Variants in SLC35A5 observed in about 807,000 individuals in gnomAD.
SLC35A5 encodes UDP-sugar transporter protein SLC35A5.
SLC35A5 carries 28 observed loss-of-function variants against 36.3 expected under a neutral mutation model. The ratio of observed to expected loss-of-function variants is 0.77; its 90% CI spans 0.57 to 1.06. SLC35A5 has a LOEUF of 1.06. Ranked by LOEUF, SLC35A5 falls within the 50% of genes least tolerant of loss-of-function variation. SLC35A5 has a pLI of 0.00. For synonymous variants in SLC35A5, 180 were observed against 173.7 expected (o/e 1.04, Z -0.29); for missense variants, 521 against 499.3 (o/e 1.04, Z -0.41).
In SLC35A5 at chr3:112,582,961, A is replaced by C; in HGVS notation, c.*225A>C. 1 of 503,696 alleles carries C rather than the reference A, an allele frequency of 2.0e-6. No individual in the cohort carries two copies. The highest frequency in any genetic ancestry group is 3.1e-5 in the East Asian group (1 of 32,778). The allele number at this position is 503,696 out of a possible 1,614,324, so 31.2% of individuals were successfully genotyped here. On this transcript the variant is annotated 3_prime_UTR_variant, in exon 7 of 7. Transcript: ENST00000492406. ...GAGTAACAATATGAAGAATTCATTA[A>C]TATCTCAGTACTTGATAAATCAGAA...
At chr3:112,571,766 TGAG>T (rs988962507) in intron 4 of SLC35A5, among the ~76,000 whole-genome samples, 6 of 152,100 alleles carry the variant, frequency 3.9e-5, no homozygotes, top group Non-Finnish European at 7.4e-5. Flanking sequence ...CTCAGTACCA[TGAG>T]AACAGTATGG....
In SLC35A5 at chr3:112,563,600, G is replaced by T. The variant is rs1458770077; in HGVS notation, c.130+67G>T. ...ATCACACATCTCTCTCTTGCCTTTG[G>T]TTCTGTTATATATAACATGGAAATA... On this transcript the variant is annotated intron_variant, in intron 2 of 6. Transcript: ENST00000492406. The T allele has an allele frequency of 1.4e-5, 20 of 1,435,224 alleles. No individual in the cohort carries two copies. In the Admixed American group the frequency reaches 3.8e-4, roughly 27 times the overall value. 88.9% of individuals were successfully genotyped at this position (1,435,224 alleles called of 1,614,324 possible).
At chr3:112,565,770 CAAGAAAA>C (rs1934166252) in intron 2 of SLC35A5, among the ~76,000 whole-genome samples, 1 of 150,476 alleles carries the variant, frequency 6.6e-6, no homozygotes, top group South Asian at 2.1e-4. Context: ...AAAACTGTCT[CAAGAAAA>C]AAGAAAAAAA....
In SLC35A5 at chr3:112,565,821, G is replaced by T. The variant is rs185803480; in HGVS notation, c.130+2288G>T. On this transcript the variant is annotated intron_variant, in intron 2 of 6. Transcript: ENST00000492406. ...AGGACTCAGAAGAAAGAGAAGGAGT[G>T]GTTGGCTGGAGAGAGGTTGGTAAGT... Among the ~76,000 whole-genome samples the T allele has an allele frequency of 4.1e-3, 627 of 152,142 alleles. 6 individuals are homozygous for T. The highest frequency in any genetic ancestry group is 0.014 in the African/African-American group (574 of 41,500).
chr3:112,582,623 C>A, intron 6 of SLC35A5, 48 bp from the exon 7 acceptor site: 1 of 767,498 alleles, frequency 1.3e-6, no homozygotes, highest in Non-Finnish European at 1.9e-6. Flanking sequence ...TTTAAAAATG[C>A]TACATTTCCA....
At chr3:112,572,318 AAAT>A (rs751918634) in intron 4 of SLC35A5, among the ~76,000 whole-genome samples, 81 of 151,488 alleles carry the variant, frequency 5.3e-4, no homozygotes, top group African/African-American at 1.8e-3. Context: ...TCTATGAAAT[AAAT>A]AATAATAATA....
Position 112,570,545 on chromosome 3 carries a change from C to G in SLC35A5, c.235C>G (p.Gln79Glu), listed in dbSNP as rs540087511. Residue 79 changes from glutamine to glutamate, a missense_variant, in exon 4 of 7, where the codon CAA becomes GAA. Gln to Glu is a conservative substitution (Grantham distance 29). Coordinates refer to ENST00000492406, the MANE Select transcript of SLC35A5 (RefSeq NM_017945.5). The part of the protein sequence containing the change: ...VSFCVIKKDH[Q>E]SRNLKYASWK... ...ACACCGTGTTTCTTTCTAAGATCAT[C>G]AAAGTAGAAATTTGAAATATGCTTC... 1.3e-4 allele frequency: 210 copies of G among 1,605,306 alleles called. 1 individual carries two copies. In the South Asian group the frequency reaches 1.8e-3, roughly 14 times the overall value.
Position 112,569,437 on chromosome 3 carries a change from A to G in SLC35A5, c.229+168A>G, listed in dbSNP as rs77409384. Among the ~76,000 whole-genome samples, 955 of 152,340 alleles carry G rather than the reference A, an allele frequency of 6.3e-3. 7 individuals are homozygous for G. The highest frequency in any genetic ancestry group is 0.022 in the African/African-American group (905 of 41,578). On this transcript the variant is annotated intron_variant, in intron 3 of 6. Coordinates refer to ENST00000492406, the MANE Select transcript of SLC35A5 (RefSeq NM_017945.5). ...GGTGGAGAAACAAGCTCAAAGAGAA[A>G]GTGTTAATGCAGAGCTGCATAGGAA...
chr3:112,565,969 T>G (rs147496445), intron 2 of SLC35A5, among the ~76,000 whole-genome samples: 1 of 152,080 alleles, frequency 6.6e-6, no homozygotes, highest in African/African-American at 2.4e-5. Context: ...GGGACTGTTA[T>G]GGTAGCTGGA....
Position 112,581,149 on chromosome 3 carries a change from A to G in SLC35A5, c.1032A>G (p.Thr344=), listed in dbSNP as rs760482808. The G allele has an allele frequency of 1.9e-6, 3 of 1,613,858 alleles. No homozygotes were observed. Among genetic ancestry groups the G allele is most frequent in the Non-Finnish European group, 2.5e-6 (3 of 1,179,940 alleles). ...CCCAGGTTACCACTGTCATTATCAC[A>G]ACAGTGTCTGTCCTGGTCTTTGACT... ...LMAQVTTVII[T]TVSVLVFDFR... Residue 344 remains threonine, a synonymous_variant, in exon 6 of 7, where the codon ACA becomes ACG. Coordinates refer to ENST00000492406, the MANE Select transcript of SLC35A5 (RefSeq NM_017945.5).
chr3:112,565,682 G>C (rs936494268), intron 2 of SLC35A5, among the ~76,000 whole-genome samples: 4 of 152,104 alleles, frequency 2.6e-5, no homozygotes, highest in Non-Finnish European at 5.9e-5. Context: ...GGAGACTGAA[G>C]CAGGAGAATG....
chr3:112,568,985 G>T (rs1369110288), intron 2 of SLC35A5, among the ~76,000 whole-genome samples, 186 bp from the exon 3 acceptor site: 1 of 152,106 alleles, frequency 6.6e-6, no homozygotes, highest in Non-Finnish European at 1.5e-5. Flanking sequence ...AAGCCAAATG[G>T]GATAGGGATA....
At chr3:112,572,512 A>G (rs933822574) in intron 4 of SLC35A5, among the ~76,000 whole-genome samples, 15 of 152,160 alleles carry the variant, frequency 9.9e-5, no homozygotes, top group Admixed American at 2.6e-4. Context: ...AATACATTTT[A>G]TTGTATTTTA....
chr3:112,573,713 A>T (rs1266552503), intron 4 of SLC35A5, among the ~76,000 whole-genome samples, 176 bp from the exon 5 acceptor site: 1 of 152,260 alleles, frequency 6.6e-6, no homozygotes, highest in Non-Finnish European at 1.5e-5. Context: ...GATCATATCT[A>T]CGTAAATTTG....
At chr3:112,579,589 T>G (rs1455060389) in intron 5 of SLC35A5, among the ~76,000 whole-genome samples, 1 of 152,154 alleles carries the variant, frequency 6.6e-6, no homozygotes, top group Non-Finnish European at 1.5e-5. Flanking sequence ...CCACCTCCTT[T>G]TTCACATGAT....
intron 5 of SLC35A5, among the ~76,000 whole-genome samples, chr3:112,574,691 C>T (rs1409702426): frequency 2.6e-5 from 4 of 151,696 alleles, no homozygotes; most frequent in Admixed American, 2.6e-4. Flanking sequence ...TTTACATTAT[C>T]TTTTTGATTT....
intron 4 of SLC35A5, among the ~76,000 whole-genome samples, chr3:112,571,723 C>A (rs1422497120): frequency 4.6e-5 from 7 of 152,130 alleles, no homozygotes; most frequent in South Asian, 2.1e-4. Flanking sequence ...GGGGAACTCT[C>A]ATTTATAAAA....
At chr3:112,570,744 T>A in intron 4 of SLC35A5, 74 bp downstream of exon 4, 1 of 1,342,428 alleles carries the variant, frequency 7.4e-7, no homozygotes, top group South Asian at 1.5e-5. Flanking sequence ...TTTTTTTTTA[T>A]CATTTTTGTT....
intron 4 of SLC35A5, 95 bp downstream of exon 4, chr3:112,570,765 G>A (rs2107427050): frequency 8.2e-7 from 1 of 1,219,584 alleles, no homozygotes; most frequent in Non-Finnish European, 1.1e-6. Flanking sequence ...GGCATTGTTA[G>A]TTTCTCATTG....
Sources: gnomAD v4.1 joint callset for allele counts (sites outside exome capture counted in the v4.1 genomes callset) on GRCh38, gnomAD v4.1.1 for gene constraint, MANE v1.5 for transcripts, NCBI Gene and HGNC (gene_info 2026-07-23, HGNC 2026-07-21) for gene names.